Variants in MAPKBP1 observed in about 807,000 individuals in gnomAD.
MAPKBP1 encodes mitogen-activated protein kinase-binding protein 1.
Under a neutral mutation model 170.5 loss-of-function variants are expected in MAPKBP1, and 71 were observed. That is an observed-to-expected ratio of 0.42 (90% confidence interval 0.34 to 0.51). The LOEUF (loss-of-function observed/expected upper bound fraction) is 0.51. Ranked by LOEUF, MAPKBP1 falls within the 20% of genes least tolerant of loss-of-function variation. The probability of loss-of-function intolerance (pLI) is 0.06; values close to 1 mark genes in which losing one functional copy is unlikely to be tolerated. For missense variants in MAPKBP1, 1,598 were observed against 1,933.0 expected, an observed-to-expected ratio of 0.83 and a Z score of 3.25; for synonymous variants, 719 against 757.9, an observed-to-expected ratio of 0.95 and a Z score of 0.84.
At position 41,775,408 on chromosome 15, in the gene MAPKBP1, C is replaced by T; in HGVS notation, c.114+19C>T. On this transcript the variant is annotated intron_variant, in intron 2 of 30. Transcript: ENST00000457542. ...CTCCAAGGTGAGTCCTGTTGGGATC[C>T]ACCTCTTTCCAAACCCACCCTCTCC... 6.3e-7 allele frequency: 1 copy of T among 1,579,428 alleles called. No homozygotes were observed. The highest frequency in any genetic ancestry group is 8.7e-7 in the Non-Finnish European group (1 of 1,148,454).
At position 41,825,797 on chromosome 15, in the gene MAPKBP1, C is replaced by T. The variant is rs1409613621; in HGVS notation, c.*361C>T. The T allele has an allele frequency of 5.1e-6, 1 of 195,202 alleles. No homozygotes were observed. The highest frequency in any genetic ancestry group is 1.3e-4 in the East Asian group (1 of 7,562). The allele number at this position is 195,202 out of a possible 1,614,324, so 12.1% of individuals were successfully genotyped here. A position where few individuals can be genotyped will look rare whatever the true frequency, so the allele number is the denominator to read the frequency against. On this transcript the variant is annotated 3_prime_UTR_variant, in exon 31 of 31. Transcript: ENST00000457542. ...TTGAAATTACTGCAGGGATTAGCTC[C>T]CTGTGGTGGAGCATACACAGGGTAC...
intron 13 of MAPKBP1, 55 bp from the exon 14 acceptor site, chr15:41,816,855 C>T (rs1281735187): frequency 1.9e-6 from 3 of 1,553,096 alleles, no homozygotes; most frequent in East Asian, 2.3e-5. Flanking sequence ...TTTGCCAGGC[C>T]CAGATAAGGG....
chr15:41,815,894 C>A, intron 12 of MAPKBP1, 95 bp downstream of exon 12: 1 of 1,245,054 alleles, frequency 8.0e-7, no homozygotes, highest in Non-Finnish European at 1.1e-6. Context: ...AAAGATTGGG[C>A]AACAAGATAC....
rs201217977 is a variant in MAPKBP1 at position 41,825,417 on chromosome 15, G to A, written c.4508G>A (p.Arg1503His). The A allele has an allele frequency of 1.1e-4, 171 of 1,609,602 alleles. No homozygotes were observed. The highest frequency in any genetic ancestry group is 6.6e-4 in the Middle Eastern group (4 of 6,068). ...CTGTTGCTTCGAGCCGTGGAACGGC[G>A]TATGGAACGCAAACTCTGAGTTCTG... ...SELLLRAVER[R>H]MERKL Residue 1503 changes from arginine (R) to histidine (H), a missense_variant, in exon 31 of 31, where the codon CGT (arginine) becomes CAT (histidine). Physicochemically the swap from Arg to His is conservative, Grantham distance 29. Coordinates refer to ENST00000457542, the MANE Select transcript of MAPKBP1 (RefSeq NM_014994.3).
rs543205200 is a variant in MAPKBP1 at position 41,812,664 on chromosome 15, G to A, written c.636+11G>A. On this transcript the variant is annotated intron_variant, in intron 7 of 30. Coordinates refer to ENST00000457542, the MANE Select transcript of MAPKBP1 (RefSeq NM_014994.3). ...AGCAAGACCTCAAAGGTGAGGTGCT[G>A]AAGCTGGGAGTAGCCACCAAGGCCC... is the stretch of plus-strand genomic sequence containing the variant. The A allele has an allele frequency of 1.3e-6, 2 of 1,581,224 alleles. No homozygotes were observed. The highest frequency in any genetic ancestry group is 1.7e-6 in the Non-Finnish European group (2 of 1,162,980).
chr15:41,821,648 T>C lies in MAPKBP1; in HGVS notation c.2783T>C (p.Leu928Ser). 1 of 1,614,134 alleles carries C rather than the reference T, an allele frequency of 6.2e-7. No homozygotes were observed. Among genetic ancestry groups the C allele is most frequent in the East Asian group, 2.2e-5 (1 of 44,874 alleles). ...PCSYPHIIRL[L>S]SQEEGVFAQD... is the part of the protein sequence containing the mutation. ...TCCTATCCCCATATTATCCGATTATTGTCACAAGAGGAAGGGGTCTTTGCC... is the reference window on the plus strand; with the variant it reads ...TCCTATCCCCATATTATCCGATTATCGTCACAAGAGGAAGGGGTCTTTGCC... Residue 928 changes from leucine to serine, a missense_variant, in exon 24 of 31, where the codon TTG becomes TCG. Leu to Ser is a moderately radical substitution (Grantham distance 145, BLOSUM62 -2). Coordinates refer to ENST00000457542, the MANE Select transcript of MAPKBP1 (RefSeq NM_014994.3).
chr15:41,792,397 C>G (rs1472807527), intron 2 of MAPKBP1, among the ~76,000 whole-genome samples: 1 of 152,050 alleles, frequency 6.6e-6, no homozygotes, highest in Non-Finnish European at 1.5e-5. Flanking sequence ...AGCCTTGCTT[C>G]AGGGGAAAGA....
At chr15:41,793,220 G>A (rs763290652) in intron 2 of MAPKBP1, among the ~76,000 whole-genome samples, 5 of 152,204 alleles carry the variant, frequency 3.3e-5, no homozygotes, top group African/African-American at 4.8e-5. Flanking sequence ...GGGTGCAGTC[G>A]CTCACGCCTG....
intron 2 of MAPKBP1, among the ~76,000 whole-genome samples, chr15:41,786,547 A>G (rs539456027): frequency 3.0e-4 from 45 of 151,628 alleles, no homozygotes; most frequent in South Asian, 1.2e-3. Flanking sequence ...GGCGGATCAC[A>G]AGGTCAGGAG....
chr15:41,782,896 C>T (rs1461098137), intron 2 of MAPKBP1, among the ~76,000 whole-genome samples: 1 of 152,212 alleles, frequency 6.6e-6, no homozygotes, highest in East Asian at 1.9e-4. Flanking sequence ...TTAGATCCAT[C>T]ACTCAGTAAC....
At chr15:41,807,961 C>T (rs1001383177) in intron 3 of MAPKBP1, among the ~76,000 whole-genome samples, 3 of 151,064 alleles carry the variant, frequency 2.0e-5, no homozygotes, top group Non-Finnish European at 2.9e-5. Context: ...ATTGCTTGAA[C>T]GCGGGAGGTG....
intron 2 of MAPKBP1, among the ~76,000 whole-genome samples, chr15:41,775,876 A>AT (rs376202457): frequency 2.6e-5 from 4 of 152,106 alleles, no homozygotes; most frequent in East Asian, 1.9e-4. Context: ...GTGAAAACAA[A>AT]TTTTTTTTGT....
rs539456027 is a variant in MAPKBP1 at position 41,786,547 on chromosome 15, A to T, written c.114+11158A>T. On this transcript the variant is annotated intron_variant, in intron 2 of 30. Coordinates refer to ENST00000457542, the MANE Select transcript of MAPKBP1 (RefSeq NM_014994.3). The stretch of plus-strand genomic sequence containing the variant: ...TGGGAGGCCAAGGCGGGCGGATCAC[A>T]AGGTCAGGAGATAGAGACCATTGTG... 4.6e-5 allele frequency among the ~76,000 whole-genome samples: 7 copies of T among 151,628 alleles called. No homozygotes were observed. The East Asian group carries it at 1.2e-3, about 25-fold the overall frequency.
intron 2 of MAPKBP1, among the ~76,000 whole-genome samples, chr15:41,786,121 G>T (rs910808541): frequency 1.3e-5 from 2 of 151,982 alleles, no homozygotes; most frequent in African/African-American, 4.8e-5. Flanking sequence ...AAAGCAAATT[G>T]TATAATACTT....
At chr15:41,812,430 A>AT in intron 6 of MAPKBP1, 86 bp from the exon 7 acceptor site, 1 of 1,560,960 alleles carries the variant, frequency 6.4e-7, no homozygotes, top group Non-Finnish European at 8.8e-7. Context: ...TCAAGTACAA[A>AT]TTCTAATTCT....
At chr15:41,825,122 G>T in intron 30 of MAPKBP1, 87 bp from the exon 31 acceptor site, 1 of 990,166 alleles carries the variant, frequency 1.0e-6, no homozygotes, top group Non-Finnish European at 1.5e-6. Flanking sequence ...AGTCCCTTCT[G>T]AGGCAGGCTG....
In MAPKBP1 at chr15:41,817,046, G is replaced by A. The variant is rs1385330919; in HGVS notation, c.1711+11G>A. On this transcript the variant is annotated intron_variant, in intron 14 of 30. Coordinates refer to ENST00000457542, the MANE Select transcript of MAPKBP1 (RefSeq NM_014994.3). The surrounding 1 kb of genome is among the most constrained non-coding windows in gnomAD (Gnocchi z 4.2). ...CTGTTAAGTTTGCAGGTGCGGGCAG[G>A]GTGAATGAGACACATCCTGCCACTC... is the stretch of plus-strand genomic sequence containing the variant. 6.4e-7 allele frequency: 1 copy of A among 1,573,486 alleles called. No individual in the cohort carries two copies.
At chr15:41,788,150 G>A (rs1472395365) in intron 2 of MAPKBP1, among the ~76,000 whole-genome samples, 2 of 151,998 alleles carry the variant, frequency 1.3e-5, no homozygotes, top group African/African-American at 2.4e-5. Context: ...TAGAGATGGG[G>A]TTTCACCATG....
chr15:41,817,341 C>T lies in MAPKBP1; in HGVS notation c.1712-47C>T. 6.3e-7 allele frequency: 1 copy of T among 1,590,426 alleles called. No homozygotes were observed. Among genetic ancestry groups the T allele is most frequent in the Non-Finnish European group, 8.6e-7 (1 of 1,158,406 alleles). ...AGGGAAGGTGGGAGGCAGGCTGCTC[C>T]CATGTGGTGAGAACAGTGGGAACAG... On this transcript the variant is annotated intron_variant, in intron 14 of 30. Transcript: ENST00000457542. The surrounding 1 kb of genome is among the most constrained non-coding windows in gnomAD (Gnocchi z 4.2).
Sources: gnomAD v4.1 joint callset for allele counts (sites outside exome capture counted in the v4.1 genomes callset) on GRCh38, gnomAD v4.1.1 for gene constraint, Gnocchi (gnomAD v3.1) non-coding constraint, MANE v1.5 for transcripts, NCBI Gene and HGNC (gene_info 2026-07-23, HGNC 2026-07-21) for gene names.